TRPC4: variants seen among roughly 807,000 people sequenced by gnomAD.
The protein encoded by TRPC4 is transient receptor potential cation channel subfamily C member 4.
In TRPC4, 49 loss-of-function variants were observed where a neutral mutation model predicts 99.4. That is an observed-to-expected ratio of 0.49 (90% CI 0.39 to 0.63). The LOEUF (loss-of-function observed/expected upper bound fraction) is 0.63, where lower values mean the gene tolerates loss of function less well. TRPC4 is among the 20% of genes least tolerant of loss of function. The pLI, the probability that TRPC4 is intolerant of heterozygous loss-of-function variation, is 0.00. For synonymous variants in TRPC4, 454 were observed against 425.9 expected, an observed-to-expected ratio of 1.07 and a Z score of -0.81; for missense variants, 898 against 1,152.9, an observed-to-expected ratio of 0.78 and a Z score of 3.20.
chr13:37,738,338 A>T (rs1425972925), intron 3 of TRPC4, among the ~76,000 whole-genome samples: 2 of 152,198 alleles, frequency 1.3e-5, no homozygotes, highest in African/African-American at 4.8e-5. Context: ...TTCTTCATGC[A>T]AAGTGCTATG....
intron 1 of TRPC4, among the ~76,000 whole-genome samples, chr13:37,825,579 G>T (rs905829974): frequency 1.4e-5 from 2 of 147,544 alleles, no homozygotes; most frequent in East Asian, 4.1e-4. Context: ...GTAGTCCAGC[G>T]GTTTTGAGTG....
rs1956880542 is a variant in TRPC4, at chr13:37,783,037, A to G, written c.297T>C (p.Ala99=). The G allele has an allele frequency of 6.2e-7, 1 of 1,613,048 alleles. No individual in the cohort carries two copies. The part of the protein sequence containing the change: ...LLSFNVYVGD[A]LLHAIRKEVV... The stretch of plus-strand genomic sequence containing the variant: ...CTTCTTTTCTGATAGCATGTAATAG[A>G]GCATCTCCAACATAGACATTAAAGC... Residue 99 remains alanine (A), a synonymous_variant, in exon 2 of 11, where the codon GCT becomes GCC. Transcript: ENST00000379705.
chr13:37,694,372 A>T (rs1953840579), intron 3 of TRPC4, among the ~76,000 whole-genome samples: 1 of 152,174 alleles, frequency 6.6e-6, no homozygotes, highest in Non-Finnish European at 1.5e-5. Context: ...AAAGAAAGTT[A>T]TGTACTTTGT....
At chr13:37,716,165 C>T (rs1954657598) in intron 3 of TRPC4, among the ~76,000 whole-genome samples, 4 of 152,082 alleles carry the variant, frequency 2.6e-5, no homozygotes, top group Admixed American at 2.6e-4. Flanking sequence ...TAAAACATAT[C>T]TTAATTTGTT....
chr13:37,850,099 T>C (rs1448403167), intron 1 of TRPC4, among the ~76,000 whole-genome samples: 1 of 152,208 alleles, frequency 6.6e-6, no homozygotes, highest in Non-Finnish European at 1.5e-5. Flanking sequence ...TAATAAAATA[T>C]ATTCTATCAA....
intron 4 of TRPC4, among the ~76,000 whole-genome samples, chr13:37,676,534 G>A (rs1387808022): frequency 6.6e-6 from 1 of 151,876 alleles, no homozygotes; most frequent in Non-Finnish European, 1.5e-5. Flanking sequence ...TACCCCATCC[G>A]GCTAATTTTT....
intron 6 of TRPC4, among the ~76,000 whole-genome samples, chr13:37,662,116 C>T (rs939816581): frequency 1.3e-5 from 2 of 152,022 alleles, no homozygotes; most frequent in African/African-American, 4.8e-5. Context: ...CAAGACTCAG[C>T]CTGGCCAACA....
rs771604661 is a variant in TRPC4 at position 37,745,924 on chromosome 13, T to C, written c.897+13A>G. 8.7e-6 allele frequency: 14 copies of C among 1,602,338 alleles called. No individual in the cohort carries two copies. Among genetic ancestry groups the C allele is most frequent in the South Asian group, 2.2e-5 (2 of 89,438 alleles). ...CTATGGCATTTTGATGGATCAAGTC[T>C]GGCAACACTCACCTCTTTTTGACGG... On this transcript the variant is annotated intron_variant, in intron 3 of 10. Coordinates refer to ENST00000379705, the MANE Select transcript of TRPC4 (RefSeq NM_016179.4).
At chr13:37,823,609 C>G (rs1253881611) in intron 1 of TRPC4, among the ~76,000 whole-genome samples, 1 of 151,688 alleles carries the variant, frequency 6.6e-6, no homozygotes, top group African/African-American at 2.4e-5. Flanking sequence ...TCTGAGGGCT[C>G]TGTTCTGTTC....
Position 37,637,137 on chromosome 13 carries a change from G to A in TRPC4, c.2700C>T (p.Pro900=), listed in dbSNP as rs1157465833. ...CTAACACACATTGTTCACTGAGACC[G>A]GGAATGCTCAGGTCACCCCGTGAAG... The part of the protein sequence containing the change: ...GLASRGDLSI[P]GLSEQCVLVD... The change falls in exon 11 of 11, where the codon CCC becomes CCT. Residue 900 remains proline, a synonymous_variant. Coordinates refer to ENST00000379705, the MANE Select transcript of TRPC4 (RefSeq NM_016179.4). 2 of 1,613,718 alleles carry A rather than the reference G, an allele frequency of 1.2e-6. No individual in the cohort carries two copies. Among genetic ancestry groups the A allele is most frequent in the Admixed American group, 1.7e-5 (1 of 59,922 alleles).
intron 3 of TRPC4, among the ~76,000 whole-genome samples, chr13:37,723,682 G>A (rs1478317754): frequency 6.6e-6 from 1 of 152,068 alleles, no homozygotes; most frequent in African/African-American, 2.4e-5. Context: ...CTGAGTAGCT[G>A]GAACTACAGG....
chr13:37,840,530 T>G (rs1403579433), intron 1 of TRPC4, among the ~76,000 whole-genome samples: 2 of 152,028 alleles, frequency 1.3e-5, no homozygotes, highest in African/African-American at 2.4e-5. Context: ...CCCTCTAATG[T>G]TGATAATTAT....
At chr13:37,714,886 C>T (rs947884280) in intron 3 of TRPC4, among the ~76,000 whole-genome samples, 1 of 152,190 alleles carries the variant, frequency 6.6e-6, no homozygotes. Flanking sequence ...ATCTCTCCCA[C>T]TAGACTGCTA....
intron 3 of TRPC4, among the ~76,000 whole-genome samples, chr13:37,693,017 G>C (rs1953771409): frequency 6.6e-6 from 1 of 152,054 alleles, no homozygotes; most frequent in Non-Finnish European, 1.5e-5. Context: ...CACAGACATG[G>C]CATCATTCTA....
At chr13:37,759,752 G>A (rs1487228696) in intron 2 of TRPC4, among the ~76,000 whole-genome samples, 2 of 151,912 alleles carry the variant, frequency 1.3e-5, no homozygotes, top group Non-Finnish European at 2.9e-5. Flanking sequence ...GAAAGCTAGA[G>A]GGATAAAATT....
At chr13:37,822,403 C>A (rs1309560193) in intron 1 of TRPC4, among the ~76,000 whole-genome samples, 1 of 151,880 alleles carries the variant, frequency 6.6e-6, no homozygotes, top group African/African-American at 2.4e-5. Context: ...TTAGGTATAT[C>A]TCCTAATGCT....
chr13:37,650,610 T>TCTACACACAC (rs763182248), intron 8 of TRPC4, among the ~76,000 whole-genome samples: 19,750 of 63,594 alleles, frequency 0.31, 1,460 homozygotes, highest in Middle Eastern at 0.42. Flanking sequence ...TCTCTCTCTC[T>TCTACACACAC]ATACACACAC....
At chr13:37,642,996 C>T (rs1951772341) in intron 8 of TRPC4, among the ~76,000 whole-genome samples, 1 of 152,098 alleles carries the variant, frequency 6.6e-6, no homozygotes, top group Non-Finnish European at 1.5e-5. Flanking sequence ...TCCCAAAGTG[C>T]TGAGATTACA....
chr13:37,758,362 G>C (rs1278576095), intron 2 of TRPC4, among the ~76,000 whole-genome samples: 1 of 151,716 alleles, frequency 6.6e-6, no homozygotes, highest in Non-Finnish European at 1.5e-5. Flanking sequence ...TCAATGTGAT[G>C]ATATTGTATG....
Sources: allele counts gnomAD v4.1 joint callset (sites outside exome capture counted in the v4.1 genomes callset), GRCh38; gene constraint gnomAD v4.1.1; transcripts MANE v1.5; gene names NCBI Gene and HGNC (gene_info 2026-07-23, HGNC 2026-07-21).